The following NTN1 variants were observed in gnomAD, a reference collection of about 807,000 sequenced individuals.
The protein encoded by NTN1 is netrin 1.
NTN1 carries 11 observed loss-of-function variants against 54.2 expected under a neutral mutation model. That is an observed-to-expected ratio of 0.20 (90% CI 0.13 to 0.34). The LOEUF is 0.34. NTN1 is among the 10% of genes least tolerant of loss of function. NTN1 has a pLI of 1.00. For missense variants in NTN1, 740 were observed against 893.1 expected (o/e 0.83, Z 2.18); for synonymous variants, 371 against 382.0 (o/e 0.97, Z 0.33).
the NTN1 span, among the ~76,000 whole-genome samples, chr17:9,007,194 TCTTC>T: frequency 4.6e-5 from 7 of 151,576 alleles, no homozygotes; most frequent in African/African-American, 1.7e-4. Flanking sequence ...TCCCTTTCTT[TCTTC>T]CTTCCTTTTT....
chr17:9,170,711 C>T (rs2092385015), intron 3 of NTN1, among the ~76,000 whole-genome samples: 1 of 152,196 alleles, frequency 6.6e-6, no homozygotes. Context: ...CAGGCAGCAT[C>T]TGAGGGACTC....
intron 5 of NTN1, among the ~76,000 whole-genome samples, chr17:9,218,055 C>A (rs1490395126): frequency 6.6e-6 from 1 of 152,158 alleles, no homozygotes; most frequent in African/African-American, 2.4e-5. Context: ...CCATCTCTCA[C>A]AGTTGGTTCA....
At chr17:9,013,373 C>T in the NTN1 span, among the ~76,000 whole-genome samples, 12 of 152,086 alleles carry the variant, frequency 7.9e-5, no homozygotes, top group East Asian at 2.1e-3. Flanking sequence ...TGCGCCACCA[C>T]ACCCGGCTTA....
intron 6 of NTN1, among the ~76,000 whole-genome samples, chr17:9,229,402 T>A (rs3785993): frequency 5.3e-5 from 8 of 152,048 alleles, no homozygotes; most frequent in Non-Finnish European, 1.2e-4. Context: ...ACACACCTTG[T>A]GAGGGAGGGA....
upstream of NTN1, among the ~76,000 whole-genome samples, chr17:9,020,613 G>A (rs547484139): frequency 6.6e-6 from 1 of 152,240 alleles, no homozygotes; most frequent in South Asian, 2.1e-4. Context: ...GCAAAATGGA[G>A]TTAATACAAC....
rs1366020867 is a variant in NTN1, at chr17:9,242,490, T to C, written c.*2522T>C. ...CACGATATCCCACCCTGGGTCTGGG[T>C]CTCACGGGTGTCCTGTGAGGGGCTT... is the stretch of plus-strand genomic sequence containing the variant. On this transcript the variant is annotated 3_prime_UTR_variant, in exon 7 of 7. Coordinates refer to ENST00000173229, the MANE Select transcript of NTN1 (RefSeq NM_004822.3). The C allele has an allele frequency of 6.6e-6, 1 of 152,276 alleles. No individual in the cohort carries two copies. Among genetic ancestry groups the C allele is most frequent in the African/African-American group, 2.4e-5 (1 of 41,458 alleles). 9.4% of individuals were successfully genotyped at this position (152,276 alleles called of 1,614,324 possible).
intron 5 of NTN1, among the ~76,000 whole-genome samples, chr17:9,184,714 T>C (rs2092428212): frequency 6.6e-6 from 1 of 152,208 alleles, no homozygotes; most frequent in Admixed American, 6.5e-5. Flanking sequence ...ACTTTGAGTT[T>C]CTCACAAACC....
At chr17:9,162,717 G>A (rs2092360871) in intron 2 of NTN1, 96 bp from the exon 3 acceptor site, 12 of 1,159,112 alleles carry the variant, frequency 1.0e-5, no homozygotes, top group South Asian at 1.4e-5. Context: ...TAGTGGAGAA[G>A]GGAGGAGTTG....
At chr17:9,213,791 C>T (rs1905161335) in intron 5 of NTN1, among the ~76,000 whole-genome samples, 1 of 152,178 alleles carries the variant, frequency 6.6e-6, no homozygotes, top group African/African-American at 2.4e-5. Context: ...CCATCTCTAT[C>T]CAGACATCTC....
chr17:9,172,874 A>C (rs2092391003), intron 3 of NTN1: 3 of 138,796 alleles, frequency 2.2e-5, no homozygotes, highest in Non-Finnish European at 4.5e-5. Context: ...GCACCATTGC[A>C]CTCCAGCCTG....
At chr17:9,088,029 C>T (rs1345908101) in intron 2 of NTN1, among the ~76,000 whole-genome samples, 1 of 152,188 alleles carries the variant, frequency 6.6e-6, no homozygotes, top group Non-Finnish European at 1.5e-5. Flanking sequence ...CCTTCCTCCC[C>T]AGAGGCAGGA....
intron 5 of NTN1, among the ~76,000 whole-genome samples, chr17:9,209,309 C>T (rs1905041491): frequency 6.6e-6 from 1 of 152,212 alleles, no homozygotes. Flanking sequence ...GAAGTAGATT[C>T]ATGGCCACGG....
chr17:9,243,772 CGT>C lies in NTN1; in HGVS notation c.*3805_*3806del, dbSNP rs1232398395. The C allele has an allele frequency of 6.6e-6, 1 of 151,420 alleles. No individual in the cohort carries two copies. Among genetic ancestry groups the C allele is most frequent in the Non-Finnish European group, 1.5e-5 (1 of 67,996 alleles). 9.4% of individuals were successfully genotyped at this position (151,420 alleles called of 1,614,324 possible). A position where few individuals can be genotyped will look rare whatever the true frequency, so the allele number is the denominator to read the frequency against. On this transcript the variant is annotated 3_prime_UTR_variant, in exon 7 of 7. Coordinates refer to ENST00000173229, the MANE Select transcript of NTN1 (RefSeq NM_004822.3). ...TGTAAATGTTTAGTTGTGACCATGA[CGT>C]ATTGTTTGGGTCAATGTCCCTTTCC...
At chr17:9,014,150 C>T in the NTN1 span, among the ~76,000 whole-genome samples, 1 of 152,128 alleles carries the variant, frequency 6.6e-6, no homozygotes, top group African/African-American at 2.4e-5. Context: ...GGAACGCTTC[C>T]CACTAGATTG....
At chr17:9,046,761 G>T (rs1445890261) in intron 2 of NTN1, among the ~76,000 whole-genome samples, 1 of 152,118 alleles carries the variant, frequency 6.6e-6, no homozygotes, top group African/African-American at 2.4e-5. Context: ...ACTCCAGCCT[G>T]GTTGGCAGAG....
intron 2 of NTN1, among the ~76,000 whole-genome samples, chr17:9,147,812 A>C (rs567960691): frequency 6.6e-6 from 1 of 152,152 alleles, no homozygotes; most frequent in South Asian, 2.1e-4. Flanking sequence ...CTTTCATTAA[A>C]TCTCATAGAC....
chr17:9,038,890 G>A (rs1567696291), intron 2 of NTN1, among the ~76,000 whole-genome samples: 1 of 152,088 alleles, frequency 6.6e-6, no homozygotes, highest in African/African-American at 2.4e-5. Context: ...GCCAGAACTC[G>A]AAGTAATATA....
In NTN1 at chr17:9,022,594, C is replaced by A; in HGVS notation, c.221C>A (p.Pro74Gln). 6.5e-7 allele frequency: 1 copy of A among 1,545,940 alleles called. No homozygotes were observed. The highest frequency in any genetic ancestry group is 8.7e-7 in the Non-Finnish European group (1 of 1,145,898). The change falls in exon 2 of 7, where the codon CCG becomes CAG. Residue 74 changes from proline to glutamine, a missense_variant. By Grantham distance (76) the Pro-to-Gln change is moderately conservative. Transcript: ENST00000173229. Reference protein sequence around the residue: ...VRVSSTCGRPPARYCVVSERG... With the variant: ...VRVSSTCGRPQARYCVVSERG... ...GTGTCCAGCACCTGCGGCCGGCCCC[C>A]GGCGCGCTACTGCGTGGTGAGCGAG...
At chr17:9,208,994 A>G (rs991640349) in intron 5 of NTN1, among the ~76,000 whole-genome samples, 1 of 152,218 alleles carries the variant, frequency 6.6e-6, no homozygotes, top group East Asian at 1.9e-4. Context: ...CTGGCCTGCC[A>G]TCATTCACCC....
Sources: gnomAD v4.1 joint callset for allele counts (sites outside exome capture counted in the v4.1 genomes callset) on GRCh38, gnomAD v4.1.1 for gene constraint, MANE v1.5 for transcripts, NCBI Gene and HGNC (gene_info 2026-07-23, HGNC 2026-07-21) for gene names.